The following MACROH2A2 variants were observed in gnomAD, a reference collection of about 807,000 sequenced individuals.
MACROH2A2 encodes core histone macro-H2A.2.
MACROH2A2 carries 6 observed loss-of-function variants against 37.6 expected under a neutral mutation model. The observed-to-expected ratio is 0.16, with a 90% CI of 0.09 to 0.32. The LOEUF is 0.32. MACROH2A2 is among the 10% of genes least tolerant of loss of function. The pLI is 1.00. For synonymous variants in MACROH2A2, 192 were observed against 202.7 expected, an observed-to-expected ratio of 0.95 and a Z score of 0.45; for missense variants, 290 against 485.9, an observed-to-expected ratio of 0.60 and a Z score of 3.79.
chr10:70,082,881 A>C (rs2072188582), intron 2 of MACROH2A2, among the ~76,000 whole-genome samples: 1 of 152,188 alleles, frequency 6.6e-6, no homozygotes, highest in African/African-American at 2.4e-5. Flanking sequence ...AAAGTTCTGG[A>C]AATGGATAGT....
chr10:70,061,380 C>G (rs866080579), intron 1 of MACROH2A2, among the ~76,000 whole-genome samples: 1 of 152,194 alleles, frequency 6.6e-6, no homozygotes, highest in Non-Finnish European at 1.5e-5. Context: ...TATTTTCATT[C>G]ATTTCTCATC....
rs755310186 is a variant in MACROH2A2, at chr10:70,091,849, G to A, written c.372G>A (p.Ser124=). ...LAKKRGTKGK[S]ETILSPPPEK... Reference sequence around the variant, plus strand: ...AAAAGCGAGGGACCAAAGGCAAGTCGGAAACGATCCTCTCCCCACCCCCAG... The same window carrying A: ...AAAAGCGAGGGACCAAAGGCAAGTCAGAAACGATCCTCTCCCCACCCCCAG... Residue 124 remains serine (S), a synonymous_variant, in exon 4 of 9, where the codon TCG becomes TCA. Transcript: ENST00000373255. The A allele has an allele frequency of 8.1e-6, 13 of 1,613,870 alleles. No homozygotes were observed. Among genetic ancestry groups the A allele is most frequent in the Admixed American group, 5.0e-5 (3 of 59,964 alleles).
intron 8 of MACROH2A2, among the ~76,000 whole-genome samples, chr10:70,111,017 C>G (rs1466591382): frequency 6.6e-6 from 1 of 152,156 alleles, no homozygotes; most frequent in Non-Finnish European, 1.5e-5. Context: ...ACCTGTAATC[C>G]CAGCACTTTG....
chr10:70,057,491 G>A (rs2072024989), intron 1 of MACROH2A2, among the ~76,000 whole-genome samples: 1 of 152,158 alleles, frequency 6.6e-6, no homozygotes, highest in South Asian at 2.1e-4. Flanking sequence ...GAGACTACAG[G>A]ATTAGACCGA....
intron 2 of MACROH2A2, among the ~76,000 whole-genome samples, chr10:70,082,147 C>T (rs1001714915): frequency 6.6e-6 from 1 of 152,324 alleles, no homozygotes; most frequent in South Asian, 2.1e-4. Flanking sequence ...CGGCCGGGCG[C>T]AGTGGCTCAC....
intron 1 of MACROH2A2, among the ~76,000 whole-genome samples, chr10:70,072,418 T>C (rs1044069789): frequency 7.2e-5 from 11 of 152,286 alleles, no homozygotes; most frequent in Non-Finnish European, 1.0e-4. Flanking sequence ...GGAGCTGTCA[T>C]CTCCTGTAAT....
intron 7 of MACROH2A2, among the ~76,000 whole-genome samples, chr10:70,103,142 A>G (rs1283313702): frequency 6.6e-6 from 1 of 152,120 alleles, no homozygotes; most frequent in East Asian, 1.9e-4. Context: ...CAGAAGGGAG[A>G]AGAGAGCCCC....
chr10:70,054,376 G>T (rs537480066), intron 1 of MACROH2A2, among the ~76,000 whole-genome samples: 2 of 152,334 alleles, frequency 1.3e-5, no homozygotes, highest in Admixed American at 1.3e-4. Flanking sequence ...GAACTGAGGT[G>T]TCCTTCCAGC....
intron 6 of MACROH2A2, among the ~76,000 whole-genome samples, chr10:70,097,641 A>G (rs955359522): frequency 5.3e-5 from 8 of 152,180 alleles, no homozygotes; most frequent in African/African-American, 1.7e-4. Context: ...TACCCCCTCC[A>G]CATACTTCCA....
intron 1 of MACROH2A2, among the ~76,000 whole-genome samples, chr10:70,070,488 TTTTG>T (rs536021532): frequency 1.8e-4 from 27 of 152,146 alleles, no homozygotes; most frequent in African/African-American, 3.6e-4. Context: ...GAGTGTTGAG[TTTTG>T]TTTGTTTGTT....
At chr10:70,104,906 CAAAA>C (rs908951983) in intron 7 of MACROH2A2, among the ~76,000 whole-genome samples, 1 of 151,156 alleles carries the variant, frequency 6.6e-6, no homozygotes, top group Non-Finnish European at 1.5e-5. Flanking sequence ...AATATTTAAA[CAAAA>C]AAAAAGTGCA....
chr10:70,108,055 T>TA (rs904642517), intron 7 of MACROH2A2, among the ~76,000 whole-genome samples: 5 of 151,804 alleles, frequency 3.3e-5, no homozygotes, highest in African/African-American at 7.3e-5. Context: ...CTCATCTCTA[T>TA]AAAAAAATTT....
chr10:70,088,663 C>T (rs997193098), intron 2 of MACROH2A2, among the ~76,000 whole-genome samples: 2 of 152,240 alleles, frequency 1.3e-5, no homozygotes, highest in Non-Finnish European at 2.9e-5. Flanking sequence ...CCCCCAGGCT[C>T]TATGTGCTTT....
chr10:70,090,830 G>A (rs1385279340), intron 3 of MACROH2A2, among the ~76,000 whole-genome samples: 1 of 152,210 alleles, frequency 6.6e-6, no homozygotes, highest in Non-Finnish European at 1.5e-5. Flanking sequence ...CTGTCAGTTT[G>A]CTGTGAAAGT....
chr10:70,095,048 A>G (rs1448646027), intron 5 of MACROH2A2, among the ~76,000 whole-genome samples: 2 of 152,176 alleles, frequency 1.3e-5, no homozygotes, highest in Non-Finnish European at 2.9e-5. Flanking sequence ...GTTGGGAACC[A>G]AAGGCATGAG....
intron 7 of MACROH2A2, among the ~76,000 whole-genome samples, chr10:70,100,774 G>A (rs1044792652): frequency 6.6e-6 from 1 of 152,026 alleles, no homozygotes; most frequent in African/African-American, 2.4e-5. Context: ...ATGCCACCAT[G>A]CCTGGCTAGT....
rs1163346490 is a variant in MACROH2A2 at position 70,053,437 on chromosome 10, G to C, written c.-60+437G>C. ...CACGGGGCGATGGGTGGGGGGCTGC[G>C]CAGGGCCCGAGGGAGCCCGGGGAGG... On this transcript the variant is annotated intron_variant, in intron 1 of 8. Coordinates refer to ENST00000373255, the MANE Select transcript of MACROH2A2 (RefSeq NM_018649.3). The surrounding 1 kb of genome is among the most constrained non-coding windows in gnomAD (Gnocchi z 4.8). 3.9e-5 allele frequency among the ~76,000 whole-genome samples: 6 copies of C among 151,994 alleles called. No homozygotes were observed. The East Asian group carries it at 9.7e-4, about 25-fold the overall frequency.
chr10:70,081,014 A>G (rs893351518), intron 2 of MACROH2A2, among the ~76,000 whole-genome samples: 8 of 141,478 alleles, frequency 5.7e-5, no homozygotes, highest in Non-Finnish European at 1.5e-5. Context: ...GCAGTGAGCT[A>G]TGATTCTACC....
intron 3 of MACROH2A2, among the ~76,000 whole-genome samples, chr10:70,090,814 C>T (rs10999132): frequency 3.9e-4 from 60 of 152,284 alleles, no homozygotes; most frequent in African/African-American, 1.4e-3. Flanking sequence ...AACAGATATA[C>T]AATAACTGTC....
Sources: allele counts gnomAD v4.1 joint callset (sites outside exome capture counted in the v4.1 genomes callset), GRCh38; gene constraint gnomAD v4.1.1; non-coding constraint Gnocchi (gnomAD v3.1); transcripts MANE v1.5; gene names NCBI Gene and HGNC (gene_info 2026-07-23, HGNC 2026-07-21).